The following FRMD4A variants were observed in gnomAD, a reference collection of about 807,000 sequenced individuals.
FRMD4A encodes the protein FERM domain-containing protein 4A.
A neutral mutation model predicts 129.1 loss-of-function variants in FRMD4A; 29 were observed. That is an observed-to-expected ratio of 0.22 (90% confidence interval 0.17 to 0.31). FRMD4A has a LOEUF of 0.31. FRMD4A is among the 10% of genes least tolerant of loss of function. The probability of loss-of-function intolerance (pLI) is 1.00; values close to 1 mark genes in which losing one functional copy is unlikely to be tolerated. For missense variants in FRMD4A, 1,272 were observed against 1,375.8 expected, an observed-to-expected ratio of 0.92 and a Z score of 1.19; for synonymous variants, 634 against 571.6, an observed-to-expected ratio of 1.11 and a Z score of -1.56.
At chr10:14,282,523 G>C (rs1355762028) in intron 2 of FRMD4A, among the ~76,000 whole-genome samples, 1 of 152,174 alleles carries the variant, frequency 6.6e-6, no homozygotes, top group Non-Finnish European at 1.5e-5. Flanking sequence ...AGGAGGGATG[G>C]GGAAACTAAT....
At chr10:13,891,684 C>G in intron 2 of FRMD4A, 1 of 985,226 alleles carries the variant, frequency 1.0e-6, no homozygotes, top group Non-Finnish European at 1.2e-6. Context: ...GGCTGGTACC[C>G]CGGAACGGGC....
chr10:13,970,892 T>C (rs1436856142), intron 2 of FRMD4A, among the ~76,000 whole-genome samples: 3 of 152,182 alleles, frequency 2.0e-5, no homozygotes, highest in Non-Finnish European at 4.4e-5. Context: ...GAAGTGCCAC[T>C]CTCCCTCAGG....
chr10:14,093,060 C>G (rs1836747381), intron 2 of FRMD4A, among the ~76,000 whole-genome samples: 1 of 152,106 alleles, frequency 6.6e-6, no homozygotes, highest in African/African-American at 2.4e-5. Flanking sequence ...AAGGCCAAGG[C>G]CAGGGTAGGG....
intron 2 of FRMD4A, among the ~76,000 whole-genome samples, chr10:14,089,135 G>C (rs2131747680): frequency 6.6e-6 from 1 of 152,286 alleles, no homozygotes; most frequent in Middle Eastern, 3.4e-3. Context: ...TGGGAAAGTC[G>C]ATGGAGTTTC....
intron 3 of FRMD4A, among the ~76,000 whole-genome samples, chr10:13,826,626 G>T (rs914689158): frequency 4.6e-4 from 70 of 152,086 alleles, no homozygotes; most frequent in African/African-American, 1.6e-3. Flanking sequence ...TCCCTAAAGC[G>T]TTACCTCCCC....
rs561192296 is a variant in FRMD4A at position 13,964,979 on chromosome 10, T to C, written c.46-106067A>G. Among the ~76,000 whole-genome samples, 14 of 151,934 alleles carry C rather than the reference T, an allele frequency of 9.2e-5. No individual in the cohort carries two copies. In the South Asian group the frequency reaches 1.3e-3, roughly 14 times the overall value. On this transcript the variant is annotated intron_variant, in intron 2 of 24. Coordinates refer to ENST00000357447, the MANE Select transcript of FRMD4A (RefSeq NM_018027.5). ...GATTACAGGCGTGAGCCACTGCGCC[T>C]GGCCAACTAATGCCTCTTCCTATGT...
At chr10:13,714,484 G>C (rs1589511024) in intron 12 of FRMD4A, among the ~76,000 whole-genome samples, 1 of 152,014 alleles carries the variant, frequency 6.6e-6, no homozygotes, top group East Asian at 1.9e-4. Flanking sequence ...AGGCCCTTGG[G>C]TTTCAGGCAG....
intron 15 of FRMD4A, among the ~76,000 whole-genome samples, chr10:13,685,851 A>G (rs745890348): frequency 1.4e-4 from 21 of 152,212 alleles, no homozygotes; most frequent in Non-Finnish European, 2.9e-4. Context: ...ATACATTGTC[A>G]TTTGGTCCTG....
chr10:14,086,400 C>A (rs1361518594), intron 2 of FRMD4A, among the ~76,000 whole-genome samples: 1 of 152,094 alleles, frequency 6.6e-6, no homozygotes, highest in African/African-American at 2.4e-5. Context: ...GATTTTCATG[C>A]GTTCTAAGAA....
At chr10:13,956,882 G>A (rs571175540) in intron 2 of FRMD4A, among the ~76,000 whole-genome samples, 61 of 152,300 alleles carry the variant, frequency 4.0e-4, no homozygotes, top group African/African-American at 1.1e-3. Flanking sequence ...CTGGGAAGGG[G>A]GAAAGTGTAG....
chr10:14,158,348 T>C (rs1408809972), intron 2 of FRMD4A, among the ~76,000 whole-genome samples: 1 of 152,174 alleles, frequency 6.6e-6, no homozygotes, highest in Admixed American at 6.5e-5. Flanking sequence ...TAGTGGCTCA[T>C]GCCTATAATC....
intron 2 of FRMD4A, among the ~76,000 whole-genome samples, chr10:14,117,490 C>T (rs190589332): frequency 6.6e-6 from 1 of 152,348 alleles, no homozygotes; most frequent in East Asian, 1.9e-4. Flanking sequence ...GATGCAGACT[C>T]TGGGTCTCTG....
intron 2 of FRMD4A, among the ~76,000 whole-genome samples, chr10:13,964,710 T>TTG (rs2095473352): frequency 1.3e-5 from 2 of 149,310 alleles, no homozygotes; most frequent in African/African-American, 2.5e-5. Context: ...TTTCGCTCTG[T>TTG]CACCAGGCTG....
At chr10:14,002,212 TAAAAG>T (rs1447099794) in intron 2 of FRMD4A, among the ~76,000 whole-genome samples, 1 of 152,208 alleles carries the variant, frequency 6.6e-6, no homozygotes, top group Non-Finnish European at 1.5e-5. Flanking sequence ...ATAATTGTGA[TAAAAG>T]AGAATGCTTT....
intron 2 of FRMD4A, among the ~76,000 whole-genome samples, chr10:14,212,215 G>T (rs925485871): frequency 2.0e-5 from 3 of 152,196 alleles, no homozygotes; most frequent in Admixed American, 6.5e-5. Context: ...ATATCCAGTG[G>T]CACTGAGGAC....
intron 2 of FRMD4A, among the ~76,000 whole-genome samples, chr10:13,978,948 T>C (rs560631276): frequency 5.5e-4 from 83 of 152,078 alleles, no homozygotes; most frequent in Non-Finnish European, 1.0e-3. Flanking sequence ...CCTATGGCCA[T>C]AAAAGTGATG....
chr10:14,251,853 G>A (rs1052031116), intron 2 of FRMD4A, among the ~76,000 whole-genome samples: 4 of 151,950 alleles, frequency 2.6e-5, no homozygotes, highest in South Asian at 2.1e-4. Flanking sequence ...AGGTTTATGG[G>A]AGGAAGATCA....
intron 2 of FRMD4A, among the ~76,000 whole-genome samples, chr10:14,060,956 A>G (rs1447061352): frequency 6.6e-6 from 1 of 152,166 alleles, no homozygotes; most frequent in Non-Finnish European, 1.5e-5. Flanking sequence ...GATTAGCAAC[A>G]GCTTTGATTT....
In FRMD4A at chr10:13,714,586, C is replaced by A. The variant is rs974280274; in HGVS notation, c.760-7473G>T. Among the ~76,000 whole-genome samples the A allele has an allele frequency of 6.6e-5, 10 of 152,028 alleles. No individual in the cohort carries two copies. The South Asian group carries it at 2.1e-3, about 31-fold the overall frequency. On this transcript the variant is annotated intron_variant, in intron 12 of 24. Transcript: ENST00000357447. ...CATAGGCAAGAGGAAACACATGGTG[C>A]CTAATACATGTTTATATTTGTAGCG...
Sources: gnomAD v4.1 joint callset for allele counts (sites outside exome capture counted in the v4.1 genomes callset) on GRCh38, gnomAD v4.1.1 for gene constraint, MANE v1.5 for transcripts, NCBI Gene and HGNC (gene_info 2026-07-23, HGNC 2026-07-21) for gene names.